The following CEP78 variants were observed in gnomAD, a reference collection of about 807,000 sequenced individuals.
CEP78 encodes the protein centrosomal protein 78.
Under a neutral mutation model 81.2 loss-of-function variants are expected in CEP78, and 76 were observed. The observed-to-expected ratio is 0.94, with a 90% CI of 0.78 to 1.13. The LOEUF (loss-of-function observed/expected upper bound fraction) is 1.13, where lower values mean the gene tolerates loss of function less well. Ranked by LOEUF, CEP78 falls within the 50% of genes most tolerant of loss-of-function variation. The pLI is 0.00. For missense variants in CEP78, 918 were observed against 846.8 expected (o/e 1.08, Z -1.04); for synonymous variants, 293 against 301.4 (o/e 0.97, Z 0.29).
At chr9:78,247,200 G>T (rs2118227188) in intron 6 of CEP78, among the ~76,000 whole-genome samples, 1 of 152,302 alleles carries the variant, frequency 6.6e-6, no homozygotes. Flanking sequence ...TCTAGTTGGG[G>T]AGTTATACGT....
At chr9:78,250,314 GTATAGGGGT>G in intron 8 of CEP78, 1 of 398,142 alleles carries the variant, frequency 2.5e-6, no homozygotes, top group Non-Finnish European at 4.4e-6. Flanking sequence ...GTGTCAGTGA[GTATAGGGGT>G]TATATAATTT....
intron 16 of CEP78, chr9:78,266,944 A>G: frequency 7.0e-7 from 1 of 1,418,586 alleles, no homozygotes; most frequent in African/African-American, 1.4e-5. Flanking sequence ...TCTGAAAGTG[A>G]TACTCTTGGA....
intron 8 of CEP78, chr9:78,249,901 T>C (rs1254776358): frequency 5.5e-6 from 1 of 180,574 alleles, no homozygotes; most frequent in Non-Finnish European, 1.1e-5. Flanking sequence ...TGACTTTAGT[T>C]CATACCCTGT....
At position 78,275,251 on chromosome 9, in the gene CEP78, T is replaced by C. The variant is rs568363713; in HGVS notation, c.*4400T>C. The C allele has an allele frequency of 2.6e-5, 4 of 152,186 alleles. No individual in the cohort carries two copies. Among genetic ancestry groups the C allele is most frequent in the Admixed American group, 2.6e-4 (4 of 15,282 alleles). The allele number at this position is 152,186 out of a possible 1,614,324, so 9.4% of individuals were successfully genotyped here. A position where few individuals can be genotyped will look rare whatever the true frequency, so the allele number is the denominator to read the frequency against. On this transcript the variant is annotated 3_prime_UTR_variant, in exon 17 of 17. Transcript: ENST00000643273. ...ATGGATTGTAAAAATTGATAAAAAA[T>C]AGAAAATGTAAATAAACGAAACATC...
rs753113593 is a variant in CEP78, at chr9:78,265,507, G to A, written c.1761G>A (p.Pro587=). The change falls in exon 14 of 17, where the codon CCG becomes CCA. Residue 587 remains proline (P), a synonymous_variant. Coordinates refer to ENST00000643273, the MANE Select transcript of CEP78 (RefSeq NM_001330691.3). ...CGCTTGAAGATGAAAAACCAGAACC[G>A]AAGCAGAATGCCCTAGGGCAAATGC... ...KKALEDEKPE[P]KQNALGQMQN... 1.6e-5 allele frequency: 25 copies of A among 1,579,082 alleles called. No individual in the cohort carries two copies. The highest frequency in any genetic ancestry group is 2.7e-5 in the African/African-American group (2 of 74,142).
intron 8 of CEP78, 43 bp from the exon 9 acceptor site, chr9:78,251,865 T>G: frequency 6.4e-7 from 1 of 1,572,634 alleles, no homozygotes; most frequent in Non-Finnish European, 8.7e-7. Context: ...TCTGTAGACC[T>G]TTAGTGCATC....
At position 78,236,569 on chromosome 9, in the gene CEP78, C is replaced by A; in HGVS notation, c.219C>A (p.Ile73=). 6.4e-7 allele frequency: 1 copy of A among 1,568,702 alleles called. No individual in the cohort carries two copies. The highest frequency in any genetic ancestry group is 8.6e-7 in the Non-Finnish European group (1 of 1,157,524). Reference sequence around the variant, plus strand: ...ATAAAGACCTGCCCTTGGTCTCCATCAAGAGCTTCTTCCAGCCCTGGCTGG... The same window carrying A: ...ATAAAGACCTGCCCTTGGTCTCCATAAAGAGCTTCTTCCAGCCCTGGCTGG... ...KINKDLPLVS[I]KSFFQPWLGD... The change falls in exon 1 of 17, where the codon ATC becomes ATA. Residue 73 remains isoleucine (I), a synonymous_variant. Transcript: ENST00000643273.
At chr9:78,245,794 A>T (rs1353100933) in intron 5 of CEP78, among the ~76,000 whole-genome samples, 1 of 152,162 alleles carries the variant, frequency 6.6e-6, no homozygotes, top group Non-Finnish European at 1.5e-5. Flanking sequence ...TTTAGTATAT[A>T]ATCTCTATAA....
chr9:78,270,824 T>C lies in CEP78; in HGVS notation c.2108-17T>C. ...ACATTAACATGGATGACTGAACACATTCTTTTATGCTTCTAGAATCCCATT... is the reference window on the plus strand; with the variant it reads ...ACATTAACATGGATGACTGAACACACTCTTTTATGCTTCTAGAATCCCATT... On this transcript the variant is annotated splice_polypyrimidine_tract_variant and intron_variant, in intron 16 of 16. Coordinates refer to ENST00000643273, the MANE Select transcript of CEP78 (RefSeq NM_001330691.3). The C allele has an allele frequency of 1.5e-6, 1 of 688,818 alleles. No individual in the cohort carries two copies. The highest frequency in any genetic ancestry group is 2.8e-5 in the East Asian group (1 of 35,414). The allele number at this position is 688,818 out of a possible 1,614,324, so 42.7% of individuals were successfully genotyped here.
chr9:78,239,888 T>C, intron 1 of CEP78, 135 bp from the exon 2 acceptor site: 1 of 670,746 alleles, frequency 1.5e-6, no homozygotes, highest in Non-Finnish European at 2.4e-6. Flanking sequence ...CCCATGTGGC[T>C]TGAGTTTACA....
At chr9:78,253,599 G>T in intron 10 of CEP78, 1 of 232,860 alleles carries the variant, frequency 4.3e-6, no homozygotes, top group Non-Finnish European at 8.5e-6. Context: ...ATGTCCTTAA[G>T]TTTAAAAGAA....
chr9:78,247,614 G>A (rs747867868), intron 6 of CEP78, among the ~76,000 whole-genome samples: 1 of 152,132 alleles, frequency 6.6e-6, no homozygotes, highest in Non-Finnish European at 1.5e-5. Flanking sequence ...TTTTGAGCTG[G>A]TAAGGGTTAT....
chr9:78,255,739 T>C (rs1437731464), intron 11 of CEP78, among the ~76,000 whole-genome samples: 1 of 152,238 alleles, frequency 6.6e-6, no homozygotes, highest in Non-Finnish European at 1.5e-5. Flanking sequence ...ATAGATAATG[T>C]AGAATTGTCC....
In CEP78 at chr9:78,276,120, C is replaced by T. The variant is rs1230660229; in HGVS notation, c.*5269C>T. On this transcript the variant is annotated 3_prime_UTR_variant, in exon 17 of 17. Coordinates refer to ENST00000643273, the MANE Select transcript of CEP78 (RefSeq NM_001330691.3). The stretch of plus-strand genomic sequence containing the variant: ...AAACCAAATTCAATTAATGTAGGTG[C>T]AAAAAATCCAAAATAAAACTAGCAG... The T allele has an allele frequency of 6.6e-6, 1 of 152,062 alleles. No homozygotes were observed. Among genetic ancestry groups the T allele is most frequent in the Non-Finnish European group, 1.5e-5 (1 of 67,996 alleles). The allele number at this position is 152,062 out of a possible 1,614,324, so 9.4% of individuals were successfully genotyped here. A position where few individuals can be genotyped will look rare whatever the true frequency, so the allele number is the denominator to read the frequency against.
intron 11 of CEP78, among the ~76,000 whole-genome samples, chr9:78,255,470 A>T (rs890642144): frequency 1.3e-5 from 2 of 152,114 alleles, no homozygotes; most frequent in Admixed American, 1.3e-4. Context: ...ACAGTTCTGG[A>T]GGCAGGAGAG....
chr9:78,236,550 A>T lies in CEP78; in HGVS notation c.200A>T (p.Asp67Val). 4 of 1,595,096 alleles carry T rather than the reference A, an allele frequency of 2.5e-6. No homozygotes were observed. Among genetic ancestry groups the T allele is most frequent in the Non-Finnish European group, 3.4e-6 (4 of 1,170,784 alleles). The change falls in exon 1 of 17, where the codon GAC becomes GTC. Residue 67 changes from aspartate to valine, a missense_variant. By Grantham distance (152) the Asp-to-Val change is radical. Transcript: ENST00000643273. ...CTGAGCACCCTCAAGATCAATAAAGACCTGCCCTTGGTCTCCATCAAGAGC... is the reference window on the plus strand; with the variant it reads ...CTGAGCACCCTCAAGATCAATAAAGTCCTGCCCTTGGTCTCCATCAAGAGC... ...PLLSTLKINK[D>V]LPLVSIKSFF...
chr9:78,269,088 C>G (rs1193514132), intron 16 of CEP78, among the ~76,000 whole-genome samples: 4 of 152,106 alleles, frequency 2.6e-5, no homozygotes, highest in Admixed American at 2.6e-4. Context: ...AATAGGAGTG[C>G]CTAACAACTG....
At chr9:78,255,564 A>G (rs1460682236) in intron 11 of CEP78, among the ~76,000 whole-genome samples, 1 of 152,154 alleles carries the variant, frequency 6.6e-6, no homozygotes, top group Non-Finnish European at 1.5e-5. Flanking sequence ...ATGTCCTCAC[A>G]TGGTGGAAGG....
At chr9:78,270,757 A>T (rs1210681731) in intron 16 of CEP78, 84 bp from the exon 17 acceptor site, 1 of 624,132 alleles carries the variant, frequency 1.6e-6, no homozygotes, top group Non-Finnish European at 2.9e-6. Context: ...ATAGGAGATG[A>T]TTGGTTTTTT....
Sources: gnomAD v4.1 joint callset for allele counts (sites outside exome capture counted in the v4.1 genomes callset) on GRCh38, gnomAD v4.1.1 for gene constraint, MANE v1.5 for transcripts, NCBI Gene and HGNC (gene_info 2026-07-23, HGNC 2026-07-21) for gene names.